The following RUBCNL variants were observed in gnomAD, a reference collection of about 807,000 sequenced individuals.
RUBCNL encodes the protein rubicon like autophagy enhancer, also known as protein associated with UVRAG as autophagy enhancer.
Under a neutral mutation model 69.5 loss-of-function variants are expected in RUBCNL, and 62 were observed. The ratio of observed to expected loss-of-function variants is 0.89; its 90% CI spans 0.73 to 1.10. The LOEUF is 1.10. RUBCNL is among the 50% of genes least tolerant of loss of function. The pLI, the probability that RUBCNL is intolerant of heterozygous loss-of-function variation, is 0.00. For missense variants in RUBCNL, 768 were observed against 798.1 expected, an observed-to-expected ratio of 0.96 and a Z score of 0.45; for synonymous variants, 291 against 303.6, an observed-to-expected ratio of 0.96 and a Z score of 0.43.
In RUBCNL at chr13:46,350,140, C is replaced by G; in HGVS notation, c.1542G>C (p.Ala514=). The G allele has an allele frequency of 6.4e-7, 1 of 1,574,038 alleles. No individual in the cohort carries two copies. Among genetic ancestry groups the G allele is most frequent in the Non-Finnish European group, 8.6e-7 (1 of 1,158,980 alleles). ...TCACTCTGTCCAGCTCCTTGGCTTTCGCATACAGGCTTTGGCCGATGCTCA... is the reference window on the plus strand; with the variant it reads ...TCACTCTGTCCAGCTCCTTGGCTTTGGCATACAGGCTTTGGCCGATGCTCA... ...NLLSIGQSLY[A]KAKELDRVKE... is the part of the protein sequence containing the mutation. The change falls in exon 11 of 15, where the codon GCG becomes GCC. Residue 514 remains alanine (A), a synonymous_variant. Coordinates refer to ENST00000429979, the MANE Select transcript of RUBCNL (RefSeq NM_025113.5).
intron 5 of RUBCNL, 106 bp downstream of exon 5, chr13:46,367,936 T>C: frequency 9.2e-7 from 1 of 1,083,162 alleles, no homozygotes; most frequent in Non-Finnish European, 1.4e-6. Flanking sequence ...AGGTTCAGGC[T>C]TCCACTGGGA....
rs1230406712 is a variant in RUBCNL at position 46,368,735 on chromosome 13, T to C, written c.616A>G (p.Lys206Glu). ...EVFVLPVDVE[K>E]ENAHFYVADM... is the part of the protein sequence containing the mutation. ...AAAAGAAAGAAGATAGCATTCACCT[T>C]TTCTACATCAACAGGCAGCACAAAT... Residue 206 changes from lysine (K) to glutamate (E), a missense_variant and splice_region_variant, in exon 4 of 15, where the codon AAG becomes GAG. By Grantham distance (56) the Lys-to-Glu change is moderately conservative. Transcript: ENST00000429979. The C allele has an allele frequency of 6.2e-7, 1 of 1,612,408 alleles. No individual in the cohort carries two copies. Among genetic ancestry groups the C allele is most frequent in the East Asian group, 2.2e-5 (1 of 44,860 alleles).
At chr13:46,368,850 AG>A in intron 3 of RUBCNL, 35 bp from the exon 4 acceptor site, 1 of 1,510,474 alleles carries the variant, frequency 6.6e-7, no homozygotes, top group Non-Finnish European at 9.1e-7. Flanking sequence ...AATGGGGAAA[AG>A]GGAGTTTAAA....
At chr13:46,345,314 TCA>T in intron 13 of RUBCNL, 131 bp downstream of exon 13, 1 of 1,082,496 alleles carries the variant, frequency 9.2e-7, no homozygotes, top group Non-Finnish European at 1.3e-6. Flanking sequence ...AGCTCTGACC[TCA>T]GTTTTCTCAT....
Position 46,368,127 on chromosome 13 carries a change from A to C in RUBCNL, c.741T>G (p.Ser247Arg), listed in dbSNP as rs764403223. The C allele has an allele frequency of 1.2e-6, 2 of 1,613,776 alleles. No homozygotes were observed. Among genetic ancestry groups the C allele is most frequent in the African/African-American group, 1.3e-5 (1 of 74,960 alleles). ...WSKEVSGLLG[S>R]DQPDSEMTFD... ...AAGTCATTTCAGAGTCAGGCTGATC[A>C]CTCCCAAGTAACCCACTGACTTCTT... Residue 247 changes from serine to arginine, a missense_variant, in exon 5 of 15, where the codon AGT becomes AGG. Ser to Arg is a moderately radical substitution (Grantham distance 110). Coordinates refer to ENST00000429979, the MANE Select transcript of RUBCNL (RefSeq NM_025113.5).
intron 1 of RUBCNL, among the ~76,000 whole-genome samples, chr13:46,383,659 G>A (rs1309249285): frequency 3.3e-5 from 5 of 152,342 alleles, no homozygotes; most frequent in East Asian, 1.9e-4. Flanking sequence ...AAGGGCAGCT[G>A]GAGGATGGGG....
At chr13:46,387,112 C>T (rs1044830508) in intron 1 of RUBCNL, 22 bp downstream of exon 1, 96 of 985,498 alleles carry the variant, frequency 9.7e-5, no homozygotes, top group Non-Finnish European at 1.0e-4. Context: ...TCCCATCTCG[C>T]CCCCGGCCCC....
At chr13:46,387,499 C>T (rs1016860418), upstream of RUBCNL, 1 of 985,656 alleles carries the variant, frequency 1.0e-6, no homozygotes, top group Non-Finnish European at 1.2e-6. Flanking sequence ...TCCTAGAAAT[C>T]CCGCCCTGCC....
intron 10 of RUBCNL, among the ~76,000 whole-genome samples, chr13:46,353,612 T>C (rs1479948922): frequency 6.6e-6 from 1 of 152,236 alleles, no homozygotes; most frequent in Non-Finnish European, 1.5e-5. Flanking sequence ...CACCTACTGA[T>C]GCTGCTAAAC....
At position 46,336,130 on chromosome 13, in the gene RUBCNL, G is replaced by A. The variant is rs766568228; in HGVS notation, c.*7255C>T. Among the ~76,000 whole-genome samples, 2 of 152,176 alleles carry A rather than the reference G, an allele frequency of 1.3e-5. No individual in the cohort carries two copies. The highest frequency in any genetic ancestry group is 4.8e-5 in the African/African-American group (2 of 41,422). On this transcript the variant is annotated 3_prime_UTR_variant, in exon 15 of 15. Transcript: ENST00000429979. The stretch of plus-strand genomic sequence containing the variant: ...GGGTTCCAAAGCTTCCAGGAGGAAG[G>A]TGAATGGTTGCATCCATCCATCTGG...
At chr13:46,384,318 T>A (rs929749485) in intron 1 of RUBCNL, among the ~76,000 whole-genome samples, 10 of 152,176 alleles carry the variant, frequency 6.6e-5, no homozygotes, top group African/African-American at 2.4e-4. Flanking sequence ...CTAAACATAT[T>A]TTTGGAATTC....
Position 46,339,781 on chromosome 13 carries a change from C to T in RUBCNL, c.*3604G>A, listed in dbSNP as rs540932893. 1.4e-4 allele frequency among the ~76,000 whole-genome samples: 22 copies of T among 152,210 alleles called. No individual in the cohort carries two copies. The highest frequency in any genetic ancestry group is 1.4e-3 in the Admixed American group (21 of 15,282). ...GGGTGAGACAGGAAAATCACTTGAACCCAGGTGGCGGAGGTTGAAGTGAGC... is the reference window on the plus strand; with the variant it reads ...GGGTGAGACAGGAAAATCACTTGAATCCAGGTGGCGGAGGTTGAAGTGAGC... On this transcript the variant is annotated 3_prime_UTR_variant, in exon 15 of 15. Coordinates refer to ENST00000429979, the MANE Select transcript of RUBCNL (RefSeq NM_025113.5).
rs61684147 is a variant in RUBCNL, at chr13:46,357,631, CTTTTT to C, written c.1266-1140_1266-1136del. Among the ~76,000 whole-genome samples the C allele has an allele frequency of 9.3e-4, 128 of 137,450 alleles. 1 individual carries two copies. The highest frequency in any genetic ancestry group is 3.0e-3 in the African/African-American group (110 of 36,668). The allele number at this position is 137,450 out of a possible 152,430, so 90.2% of individuals were successfully genotyped here. ...TCCATTCCATTGAGGAATTTTCTTT[CTTTTT>C]TTTTTTTTTTTGAGATGGAGTCTTA... is the stretch of plus-strand genomic sequence containing the variant. On this transcript the variant is annotated intron_variant, in intron 9 of 14. Coordinates refer to ENST00000429979, the MANE Select transcript of RUBCNL (RefSeq NM_025113.5).
chr13:46,364,704 T>TTC (rs1468520865), intron 5 of RUBCNL, among the ~76,000 whole-genome samples: 2 of 151,406 alleles, frequency 1.3e-5, no homozygotes, highest in Admixed American at 1.3e-4. Flanking sequence ...CCCTTGTTTT[T>TTC]TTTTTTTTTA....
At chr13:46,349,417 T>C (rs1171691837) in intron 11 of RUBCNL, 70 bp from the exon 12 acceptor site, 1 of 1,414,538 alleles carries the variant, frequency 7.1e-7, no homozygotes, top group African/African-American at 1.4e-5. Flanking sequence ...GCAAGTCAAA[T>C]TTAAATGTTA....
intron 1 of RUBCNL, chr13:46,385,329 A>G (rs1283147772): frequency 1.2e-5 from 11 of 889,500 alleles, no homozygotes; most frequent in Non-Finnish European, 1.5e-5. Flanking sequence ...ACAATCAGAG[A>G]TCTAATTGGG....
intron 1 of RUBCNL, among the ~76,000 whole-genome samples, chr13:46,380,052 A>G (rs540481899): frequency 6.6e-6 from 1 of 152,346 alleles, no homozygotes; most frequent in African/African-American, 2.4e-5. Context: ...GCAGAAAGGA[A>G]ACAGTGCTAT....
rs1566532885 is a variant in RUBCNL, at chr13:46,334,967, G to A, written c.*8418C>T. On this transcript the variant is annotated 3_prime_UTR_variant, in exon 15 of 15. Transcript: ENST00000429979. Reference sequence around the variant, plus strand: ...AGATTTGGGGGTATACTAAGGGCAAGAGGAATTTTTAAAGAGGTTCCTGAT... The same window carrying A: ...AGATTTGGGGGTATACTAAGGGCAAAAGGAATTTTTAAAGAGGTTCCTGAT... Among the ~76,000 whole-genome samples the A allele has an allele frequency of 6.6e-6, 1 of 152,170 alleles. No individual in the cohort carries two copies. Among genetic ancestry groups the A allele is most frequent in the Non-Finnish European group, 1.5e-5 (1 of 68,026 alleles).
chr13:46,371,231 A>T (rs1169460560), intron 3 of RUBCNL, among the ~76,000 whole-genome samples: 5 of 152,240 alleles, frequency 3.3e-5, no homozygotes. Flanking sequence ...GATTATTTAT[A>T]CTAGGGTTTG....
Sources: allele counts gnomAD v4.1 joint callset (sites outside exome capture counted in the v4.1 genomes callset), GRCh38; gene constraint gnomAD v4.1.1; transcripts MANE v1.5; gene names NCBI Gene and HGNC (gene_info 2026-07-23, HGNC 2026-07-21).